Variants in CAPZB observed in about 807,000 individuals in gnomAD.
CAPZB encodes the protein F-actin-capping protein subunit beta.
A neutral mutation model predicts 38.1 loss-of-function variants in CAPZB; 2 were observed. The observed-to-expected ratio is 0.05, with a 90% CI of 0.02 to 0.17. CAPZB has a LOEUF of 0.17. Among genes scored for constraint, CAPZB ranks in the 10% least tolerant of loss-of-function variants. CAPZB has a pLI of 1.00. For missense variants in CAPZB, 161 were observed against 334.2 expected (o/e 0.48, Z 4.04); for synonymous variants, 107 against 127.4 (o/e 0.84, Z 1.08).
At position 19,426,319 on chromosome 1, in the gene CAPZB, G is replaced by A. The variant is rs1038746216; in HGVS notation, c.4-6569C>T. ...AGAGATTTTTCCACAGGGGAATGAC[G>A]ACTGCTGTTGTGACTTAGAAGGCGA... On this transcript the variant is annotated intron_variant, in intron 1 of 8. Transcript: ENST00000264202. Among the ~76,000 whole-genome samples, 41 of 152,132 alleles carry A rather than the reference G, an allele frequency of 2.7e-4. 1 individual carries two copies. Among genetic ancestry groups the A allele is most frequent in the Middle Eastern group, 3.2e-3 (1 of 316 alleles).
intron 2 of CAPZB, among the ~76,000 whole-genome samples, chr1:19,404,269 C>G (rs111280899): frequency 1.4e-5 from 2 of 143,320 alleles, no homozygotes; most frequent in African/African-American, 5.2e-5. Flanking sequence ...TATGGCTGGG[C>G]GCAGTGGCTC....
chr1:19,427,482 T>C (rs1054770591), intron 1 of CAPZB, among the ~76,000 whole-genome samples: 13 of 152,254 alleles, frequency 8.5e-5, no homozygotes, highest in African/African-American at 3.1e-4. Context: ...GTATAATCCG[T>C]GACCCAATAA....
intron 3 of CAPZB, among the ~76,000 whole-genome samples, chr1:19,380,266 C>G (rs1258247257): frequency 1.3e-5 from 2 of 152,198 alleles, no homozygotes; most frequent in Non-Finnish European, 2.9e-5. Context: ...GAATTACACT[C>G]CTGATCACCT....
rs1491486791 is a variant in CAPZB, at chr1:19,442,010, A to AAAAC, written c.4-22261_4-22260insGTTT. Among the ~76,000 whole-genome samples, 129 of 13,218 alleles carry AAAAC rather than the reference A, an allele frequency of 9.8e-3. 1 individual carries two copies. The highest frequency in any genetic ancestry group is 0.031 in the African/African-American group (126 of 4,024). 8.7% of individuals were successfully genotyped at this position (13,218 alleles called of 152,430 possible). ...GGCGACAGAGCAAGACTCTGTCTCC[A>AAAAC]AAAAAAAAAAAAAAAAAAGCACAGG... On this transcript the variant is annotated intron_variant, in intron 1 of 8. Coordinates refer to ENST00000264202, the MANE Select transcript of CAPZB (RefSeq NM_004930.5).
intron 1 of CAPZB, among the ~76,000 whole-genome samples, chr1:19,435,022 A>G (rs1199969894): frequency 7.5e-6 from 1 of 133,932 alleles, no homozygotes; most frequent in African/African-American, 2.6e-5. Flanking sequence ...ACTCATTATA[A>G]TATGGAATTA....
intron 1 of CAPZB, among the ~76,000 whole-genome samples, chr1:19,435,770 C>T (rs1225781693): frequency 3.3e-5 from 5 of 152,090 alleles, no homozygotes; most frequent in African/African-American, 1.2e-4. Flanking sequence ...CATCTGACCC[C>T]AGAACCTGTG....
chr1:19,348,897 A>G (rs916925844), intron 6 of CAPZB, among the ~76,000 whole-genome samples: 14 of 152,002 alleles, frequency 9.2e-5, no homozygotes, highest in Non-Finnish European at 2.1e-4. Flanking sequence ...AGAGGGAGAG[A>G]AATGCTAGAA....
chr1:19,351,837 C>T (rs1428867285), intron 6 of CAPZB, among the ~76,000 whole-genome samples: 1 of 152,214 alleles, frequency 6.6e-6, no homozygotes, highest in African/African-American at 2.4e-5. Flanking sequence ...TCAGCCGCCT[C>T]CTGCCAGGGA....
chr1:19,465,204 C>T (rs1028669762), intron 1 of CAPZB, among the ~76,000 whole-genome samples: 1 of 152,106 alleles, frequency 6.6e-6, no homozygotes, highest in Non-Finnish European at 1.5e-5. Context: ...GAAACATAAT[C>T]CCCAATGCCA....
At chr1:19,371,247 C>T (rs1035691932) in intron 4 of CAPZB, among the ~76,000 whole-genome samples, 1 of 152,140 alleles carries the variant, frequency 6.6e-6, no homozygotes. Flanking sequence ...CGCATGATCA[C>T]GAAGCCTGCT....
intron 1 of CAPZB, among the ~76,000 whole-genome samples, chr1:19,426,913 C>T (rs184368388): frequency 1.6e-4 from 25 of 152,260 alleles, no homozygotes; most frequent in African/African-American, 5.8e-4. Context: ...TGACCAGAGA[C>T]GAAACTGGGG....
chr1:19,383,950 C>T lies in CAPZB; in HGVS notation c.215+1555G>A, dbSNP rs1246457153. Among the ~76,000 whole-genome samples, 3 of 152,144 alleles carry T rather than the reference C, an allele frequency of 2.0e-5. 1 individual carries two copies. In the South Asian group the frequency reaches 6.2e-4, roughly 32 times the overall value. On this transcript the variant is annotated intron_variant, in intron 3 of 8. Coordinates refer to ENST00000264202, the MANE Select transcript of CAPZB (RefSeq NM_004930.5). Reference sequence around the variant, plus strand: ...AAAGTGACCTCAAATCTCACCACTTCTCACCATTTCAACTCTAGTCTGTGG... The same window carrying T: ...AAAGTGACCTCAAATCTCACCACTTTTCACCATTTCAACTCTAGTCTGTGG...
intron 2 of CAPZB, among the ~76,000 whole-genome samples, chr1:19,412,231 A>G (rs1222910806): frequency 6.6e-6 from 1 of 152,132 alleles, no homozygotes; most frequent in Non-Finnish European, 1.5e-5. Flanking sequence ...GCTGGTGCAT[A>G]TTACCAGTGA....
intron 1 of CAPZB, among the ~76,000 whole-genome samples, chr1:19,473,645 C>T (rs562188715): frequency 4.6e-5 from 7 of 152,306 alleles, no homozygotes; most frequent in Non-Finnish European, 2.9e-5. Context: ...AGGTGGATCA[C>T]CTGAGGTCAG....
intron 1 of CAPZB, among the ~76,000 whole-genome samples, chr1:19,472,246 G>A (rs2094591232): frequency 6.6e-6 from 1 of 152,222 alleles, no homozygotes; most frequent in South Asian, 2.1e-4. Context: ...GTCATGAACT[G>A]AGGACATGGA....
intron 1 of CAPZB, among the ~76,000 whole-genome samples, chr1:19,446,726 T>C (rs1263988100): frequency 2.6e-5 from 4 of 152,228 alleles, no homozygotes; most frequent in Non-Finnish European, 5.9e-5. Flanking sequence ...AAATGTTTTA[T>C]GTTTAATTAG....
At chr1:19,379,383 G>A (rs2094161846) in intron 3 of CAPZB, among the ~76,000 whole-genome samples, 1 of 152,286 alleles carries the variant, frequency 6.6e-6, no homozygotes, top group African/African-American at 2.4e-5. Context: ...ATAGGTGTGA[G>A]CCACCGCGCC....
chr1:19,446,270 C>T (rs899961481), intron 1 of CAPZB, among the ~76,000 whole-genome samples: 2 of 152,190 alleles, frequency 1.3e-5, no homozygotes, highest in Non-Finnish European at 2.9e-5. Context: ...GACCATTTTT[C>T]TCTGTTTCAA....
intron 7 of CAPZB, 125 bp downstream of exon 7, chr1:19,345,062 C>T (rs540982722): frequency 5.4e-5 from 41 of 753,114 alleles, no homozygotes; most frequent in South Asian, 3.4e-4. Flanking sequence ...ATCCAAGAAG[C>T]GCTCTGCCGG....
Sources: allele counts gnomAD v4.1 joint callset (sites outside exome capture counted in the v4.1 genomes callset), GRCh38; gene constraint gnomAD v4.1.1; transcripts MANE v1.5; gene names NCBI Gene and HGNC (gene_info 2026-07-23, HGNC 2026-07-21).